COLEC12: variants seen among roughly 807,000 people sequenced by gnomAD.
COLEC12 encodes collectin subfamily member 12.
Under a neutral mutation model 71.1 loss-of-function variants are expected in COLEC12, and 33 were observed. The ratio of observed to expected loss-of-function variants is 0.46; its 90% CI spans 0.35 to 0.62. The LOEUF is 0.62. Ranked by LOEUF, COLEC12 falls within the 20% of genes least tolerant of loss-of-function variation. The pLI, the probability that COLEC12 is intolerant of heterozygous loss-of-function variation, is 0.00. For missense variants in COLEC12, 765 were observed against 916.1 expected, an observed-to-expected ratio of 0.84 and a Z score of 2.13; for synonymous variants, 350 against 353.0, an observed-to-expected ratio of 0.99 and a Z score of 0.10.
At chr18:331,851 C>A in intron 7 of COLEC12, 74 bp from the exon 8 acceptor site, 3 of 897,124 alleles carry the variant, frequency 3.3e-6, no homozygotes, top group Admixed American at 4.3e-5. Flanking sequence ...TTTTATTTAA[C>A]ATTTAGAAAA....
intron 4 of COLEC12, 35 bp from the exon 5 acceptor site, chr18:347,376 G>A: frequency 1.3e-6 from 2 of 1,557,162 alleles, no homozygotes; most frequent in South Asian, 1.2e-5. Flanking sequence ...TATATTGGTG[G>A]TATGGAGAAG....
chr18:387,554 T>A (rs77778150), intron 2 of COLEC12, among the ~76,000 whole-genome samples: 4 of 152,160 alleles, frequency 2.6e-5, no homozygotes, highest in Non-Finnish European at 4.4e-5. Context: ...GGTGGACATG[T>A]TTGAAGGCGT....
chr18:497,383 G>GGGGTGT (rs373079894), intron 1 of COLEC12, among the ~76,000 whole-genome samples: 19 of 147,052 alleles, frequency 1.3e-4, no homozygotes, highest in Admixed American at 3.4e-4. Context: ...TAAAGAATGG[G>GGGGTGT]GTGTGTGTGT....
chr18:438,216 G>A (rs1394063370), intron 2 of COLEC12, among the ~76,000 whole-genome samples: 1 of 152,284 alleles, frequency 6.6e-6, no homozygotes, highest in Middle Eastern at 3.4e-3. Context: ...AAGTCAAAGT[G>A]CCAGCATAAA....
intron 2 of COLEC12, among the ~76,000 whole-genome samples, chr18:379,429 G>A (rs567044287): frequency 6.6e-6 from 1 of 152,218 alleles, no homozygotes; most frequent in Admixed American, 6.5e-5. Context: ...ACCCAGCCGG[G>A]AGAAAAAGTT....
intron 2 of COLEC12, among the ~76,000 whole-genome samples, chr18:433,558 C>T (rs1916346014): frequency 6.6e-6 from 1 of 152,140 alleles, no homozygotes. Context: ...TGACATCAAG[C>T]TGTTACTCAG....
intron 2 of COLEC12, among the ~76,000 whole-genome samples, chr18:376,373 A>G (rs1246252260): frequency 6.6e-6 from 1 of 152,222 alleles, no homozygotes; most frequent in African/African-American, 2.4e-5. Context: ...CATGGATTGG[A>G]GACATTTACT....
At position 480,886 on chromosome 18, in the gene COLEC12, CA is replaced by C. The variant is rs1219553737; in HGVS notation, c.8-130del. On this transcript the variant is annotated intron_variant, in intron 1 of 9. Transcript: ENST00000400256. This position sits in a 1 kb window ranked among gnomAD's most constrained non-coding sequence, Gnocchi z 4.1. Reference sequence around the variant, plus strand: ...CTTTCCTTCTGCTCGTGGATCGCACCAGGCTTTCTGGAAGAGGCGGCAGGGG... The same window carrying C: ...CTTTCCTTCTGCTCGTGGATCGCACCGGCTTTCTGGAAGAGGCGGCAGGGG... 2.4e-6 allele frequency: 2 copies of C among 839,216 alleles called. No individual in the cohort carries two copies. Among genetic ancestry groups the C allele is most frequent in the East Asian group, 4.9e-5 (2 of 40,790 alleles). 52.0% of individuals were successfully genotyped at this position (839,216 alleles called of 1,614,324 possible).
intron 2 of COLEC12, among the ~76,000 whole-genome samples, chr18:477,579 G>A (rs1475328659): frequency 6.6e-6 from 1 of 152,126 alleles, no homozygotes; most frequent in Non-Finnish European, 1.5e-5. Flanking sequence ...GTCACACTTT[G>A]ATATTCTGCA....
intron 2 of COLEC12, 44 bp from the exon 3 acceptor site, chr18:357,566 A>C: frequency 6.8e-7 from 1 of 1,471,106 alleles, no homozygotes; most frequent in Non-Finnish European, 9.1e-7. Context: ...CAAAGATGTC[A>C]TTTTAAAATT....
At chr18:368,543 C>T (rs1914906012) in intron 2 of COLEC12, among the ~76,000 whole-genome samples, 1 of 151,970 alleles carries the variant, frequency 6.6e-6, no homozygotes, top group South Asian at 2.1e-4. Context: ...CAGTACTCTC[C>T]AGCCTGGGTG....
At chr18:452,556 C>A (rs1343363427) in intron 2 of COLEC12, among the ~76,000 whole-genome samples, 2 of 152,170 alleles carry the variant, frequency 1.3e-5, no homozygotes, top group African/African-American at 4.8e-5. Flanking sequence ...TATCAAAGAG[C>A]ATTTGGTTAA....
rs575694766 is a variant in COLEC12, at chr18:401,818, G to A, written c.59-44296C>T. On this transcript the variant is annotated intron_variant, in intron 2 of 9. Coordinates refer to ENST00000400256, the MANE Select transcript of COLEC12 (RefSeq NM_130386.3). ...GCAGGCTTCAAGCCCTCTCTCTTCA[G>A]GGTTCAAGGACAGAAAGGCTGAACA... Among the ~76,000 whole-genome samples the A allele has an allele frequency of 2.0e-5, 3 of 152,272 alleles. No homozygotes were observed. In the South Asian group the frequency reaches 6.2e-4, roughly 32 times the overall value.
At chr18:361,998 G>A (rs751679877) in intron 2 of COLEC12, among the ~76,000 whole-genome samples, 9 of 152,194 alleles carry the variant, frequency 5.9e-5, no homozygotes, top group Non-Finnish European at 1.0e-4. Flanking sequence ...TTGTGCAGAG[G>A]TCAAGCGTCA....
chr18:420,802 C>A (rs1014766239), intron 2 of COLEC12, among the ~76,000 whole-genome samples: 2 of 152,108 alleles, frequency 1.3e-5, no homozygotes, highest in African/African-American at 4.8e-5. Context: ...CCCTCCAGGG[C>A]TAGGTAATTC....
In COLEC12 at chr18:419,148, C is replaced by CTTCTATTCTATTCTA. The variant is rs57522856; in HGVS notation, c.58+61544_58+61558dup. Among the ~76,000 whole-genome samples, 834 of 145,482 alleles carry CTTCTATTCTATTCTA rather than the reference C, an allele frequency of 5.7e-3. 5 individuals are homozygous for CTTCTATTCTATTCTA. Among genetic ancestry groups the CTTCTATTCTATTCTA allele is most frequent in the African/African-American group, 0.011 (448 of 38,990 alleles). On this transcript the variant is annotated intron_variant, in intron 2 of 9. Coordinates refer to ENST00000400256, the MANE Select transcript of COLEC12 (RefSeq NM_130386.3). ...TATCCAATCAATGTAAGGCATCATACTTCTATTCTATTCTATTCTATTCTA... is the reference window on the plus strand; with the variant it reads ...TATCCAATCAATGTAAGGCATCATACTTCTATTCTATTCTATTCTATTCTATTCTATTCTATTCTA...
At chr18:459,783 T>C (rs1916942464) in intron 2 of COLEC12, among the ~76,000 whole-genome samples, 1 of 152,228 alleles carries the variant, frequency 6.6e-6, no homozygotes, top group Non-Finnish European at 1.5e-5. Flanking sequence ...AATGGATGCT[T>C]AGTACCATCT....
At chr18:435,867 T>C (rs16944492) in intron 2 of COLEC12, among the ~76,000 whole-genome samples, 7,592 of 152,296 alleles carry the variant, frequency 0.05, 430 homozygotes, top group South Asian at 0.22. Flanking sequence ...CCTGGAACTT[T>C]ACACTCTTAT....
intron 2 of COLEC12, among the ~76,000 whole-genome samples, chr18:439,199 T>C (rs1203373360): frequency 6.6e-6 from 1 of 152,240 alleles, no homozygotes; most frequent in Non-Finnish European, 1.5e-5. Context: ...CACTGTTTTA[T>C]AGTGAGTGAC....
Sources: allele counts gnomAD v4.1 joint callset (sites outside exome capture counted in the v4.1 genomes callset), GRCh38; gene constraint gnomAD v4.1.1; non-coding constraint Gnocchi (gnomAD v3.1); transcripts MANE v1.5; gene names NCBI Gene and HGNC (gene_info 2026-07-23, HGNC 2026-07-21).